Variants in CES4A observed in about 807,000 individuals in gnomAD.
The protein encoded by CES4A is carboxylesterase 6.
CES4A carries 48 observed loss-of-function variants against 65.4 expected under a neutral mutation model. The ratio of observed to expected loss-of-function variants is 0.73; its 90% CI spans 0.58 to 0.93. The LOEUF (loss-of-function observed/expected upper bound fraction) is 0.93, where lower values mean the gene tolerates loss of function less well. Among genes scored for constraint, CES4A ranks in the 40% least tolerant of loss-of-function variants. The pLI is 0.00. For synonymous variants in CES4A, 247 were observed against 281.8 expected, an observed-to-expected ratio of 0.88 and a Z score of 1.24; for missense variants, 685 against 728.5, an observed-to-expected ratio of 0.94 and a Z score of 0.69.
At chr16:67,004,331 A>G in intron 9 of CES4A, 107 bp downstream of exon 9, 2 of 1,257,296 alleles carry the variant, frequency 1.6e-6, no homozygotes, top group Non-Finnish European at 2.3e-6. Flanking sequence ...GTCAGATGCC[A>G]GTAGCCCCTC....
chr16:66,988,707 C>G, exon 1 of CES4A: 1 of 1,550,228 alleles, frequency 6.5e-7, no homozygotes, highest in Non-Finnish European at 8.7e-7. Context: ...GGCTACCATG[C>G]CATCCACAGT....
At position 67,003,151 on chromosome 16, in the gene CES4A, A is replaced by C. The variant is rs61744399; in HGVS notation, c.772A>C (p.Ser258Arg). Residue 258 changes from serine (S) to arginine (R), a missense_variant, in exon 6 of 14, where the codon AGT (serine) becomes CGT (arginine). Coordinates refer to ENST00000648724, the Ensembl canonical transcript of CES4A. The surrounding 1 kb of genome is among the most constrained non-coding windows in gnomAD (Gnocchi z 4.2). ...CGCGTTATTCAGACTTTTCATCACTAGTAACCCACTGAAAGTGGCCAAGGT... is the reference window on the plus strand; with the variant it reads ...CGCGTTATTCAGACTTTTCATCACTCGTAACCCACTGAAAGTGGCCAAGGT... 190,765 of 1,613,594 alleles carry C rather than the reference A, an allele frequency of 0.12. 25,808 individuals are homozygous for C. Among genetic ancestry groups the C allele is most frequent in the African/African-American group, 0.68 (50,956 of 74,914 alleles).
chr16:67,000,798 G>C lies in CES4A; in HGVS notation c.402+19G>C. The C allele has an allele frequency of 6.5e-7, 1 of 1,550,154 alleles. No homozygotes were observed. The highest frequency in any genetic ancestry group is 8.7e-7 in the Non-Finnish European group (1 of 1,146,060). ...GCTGCCAGTGAGTGCCAGGTCTCCC[G>C]CGCCCGCGGTCCCACCGCCGCCCAC... On this transcript the variant is annotated intron_variant, in intron 3 of 13. Transcript: ENST00000648724. This position sits in a 1 kb window ranked among gnomAD's most constrained non-coding sequence, Gnocchi z 4.2.
rs1400836759 is a variant in CES4A at position 67,000,226 on chromosome 16, G to T, written c.261-412G>T. Among the ~76,000 whole-genome samples, 2 of 152,220 alleles carry T rather than the reference G, an allele frequency of 1.3e-5. No individual in the cohort carries two copies. Among genetic ancestry groups the T allele is most frequent in the African/African-American group, 4.8e-5 (2 of 41,452 alleles). ...AGAGGCTGGGGTACTGTCCAGACCAGAGACGGTGGTGGCCTTGACATCTCC... is the reference window on the plus strand; with the variant it reads ...AGAGGCTGGGGTACTGTCCAGACCATAGACGGTGGTGGCCTTGACATCTCC... On this transcript the variant is annotated intron_variant, in intron 2 of 13. Coordinates refer to ENST00000648724, the Ensembl canonical transcript of CES4A. This position sits in a 1 kb window ranked among gnomAD's most constrained non-coding sequence, Gnocchi z 4.2.
intron 1 of CES4A, among the ~76,000 whole-genome samples, chr16:66,991,404 A>G (rs1446221602): frequency 6.6e-6 from 1 of 152,236 alleles, no homozygotes; most frequent in Non-Finnish European, 1.5e-5. Context: ...TCCTCCACCA[A>G]CAGTATATGT....
rs1461482635 is a variant in CES4A at position 67,001,512 on chromosome 16, C to A, written c.690+51C>A. ...AGCACAGACTTAGGCTCCTGCGTTC[C>A]CACAAATGTATGCTCCACTGCACAG... On this transcript the variant is annotated intron_variant, in intron 5 of 13. Coordinates refer to ENST00000648724, the Ensembl canonical transcript of CES4A. This position sits in a 1 kb window ranked among gnomAD's most constrained non-coding sequence, Gnocchi z 4.1. The A allele has an allele frequency of 6.5e-7, 1 of 1,536,980 alleles. No individual in the cohort carries two copies. The highest frequency in any genetic ancestry group is 1.3e-5 in the South Asian group (1 of 79,266).
At chr16:66,994,112 A>G (rs1327657730) in intron 1 of CES4A, among the ~76,000 whole-genome samples, 1 of 152,026 alleles carries the variant, frequency 6.6e-6, no homozygotes, top group African/African-American at 2.4e-5. Context: ...AAAAAAGGAC[A>G]GAGGTGTAGC....
At chr16:66,999,944 G>A (rs79631548) in intron 2 of CES4A, among the ~76,000 whole-genome samples, 5,363 of 152,224 alleles carry the variant, frequency 0.035, 149 homozygotes, top group South Asian at 0.077. Flanking sequence ...TGAGGCCCAC[G>A]GGCTTGGAGG....
chr16:66,992,571 G>A (rs1057458386), intron 1 of CES4A, among the ~76,000 whole-genome samples: 2 of 152,200 alleles, frequency 1.3e-5, no homozygotes, highest in Admixed American at 1.3e-4. Context: ...GCACAGATAG[G>A]TTCGCTAATT....
chr16:66,996,184 G>A (rs774216578), intron 2 of CES4A: 11 of 400,342 alleles, frequency 2.7e-5, no homozygotes, highest in Admixed American at 1.4e-4. Context: ...CTACAGGTAC[G>A]TGCCACCATG....
intron 11 of CES4A, 94 bp downstream of exon 11, chr16:67,005,487 C>G: frequency 8.5e-7 from 1 of 1,182,842 alleles, no homozygotes; most frequent in Non-Finnish European, 1.2e-6. Flanking sequence ...CCCCTACCCT[C>G]TCTGTACTTC....
chr16:67,001,489 C>G lies in CES4A; in HGVS notation c.690+28C>G, dbSNP rs772381527. 1 of 1,571,004 alleles carries G rather than the reference C, an allele frequency of 6.4e-7. No individual in the cohort carries two copies. Among genetic ancestry groups the G allele is most frequent in the Non-Finnish European group, 8.6e-7 (1 of 1,158,968 alleles). ...GAGAGCAATGCCCAGACGGACCGAG[C>G]ACAGACTTAGGCTCCTGCGTTCCCA... On this transcript the variant is annotated intron_variant, in intron 5 of 13. Coordinates refer to ENST00000648724, the Ensembl canonical transcript of CES4A. The surrounding 1 kb of genome is among the most constrained non-coding windows in gnomAD (Gnocchi z 4.1).
At position 67,003,090 on chromosome 16, in the gene CES4A, G is replaced by A. The variant is rs181709052; in HGVS notation, c.711G>A (p.Ser237=). The A allele has an allele frequency of 5.0e-6, 8 of 1,614,014 alleles. No homozygotes were observed. Among genetic ancestry groups the A allele is most frequent in the South Asian group, 3.3e-5 (3 of 91,084 alleles). ...TGCAGATGATGTCACCCCTAGCCTCGGGTCTCTTCCATCGGGCCATTTCCC... is the reference window on the plus strand; with the variant it reads ...TGCAGATGATGTCACCCCTAGCCTCAGGTCTCTTCCATCGGGCCATTTCCC... The change falls in exon 6 of 14, where the codon TCG becomes TCA. Residue 237 remains serine, a synonymous_variant. Coordinates refer to ENST00000648724, the Ensembl canonical transcript of CES4A. This position sits in a 1 kb window ranked among gnomAD's most constrained non-coding sequence, Gnocchi z 4.2.
intron 1 of CES4A, among the ~76,000 whole-genome samples, chr16:66,992,755 G>A (rs1248441261): frequency 2.6e-5 from 4 of 152,150 alleles, no homozygotes; most frequent in East Asian, 3.9e-4. Context: ...TCTGCTCACC[G>A]CAACCTCCTC....
Position 67,000,700 on chromosome 16 carries a change from A to G in CES4A, c.323A>G (p.Lys108Arg). Residue 108 changes from lysine (K) to arginine (R), a missense_variant, in exon 3 of 14, where the codon AAG becomes AGG. Physicochemically the swap from Lys to Arg is conservative, Grantham distance 26 (BLOSUM62 2). Coordinates refer to ENST00000648724, the Ensembl canonical transcript of CES4A. This position sits in a 1 kb window ranked among gnomAD's most constrained non-coding sequence, Gnocchi z 4.2. ...TACGTCAGCACGCGGGAACGGTACA[A>G]GTGGCTGCGCTTCAGCGAGGACTGT... 10 of 1,550,542 alleles carry G rather than the reference A, an allele frequency of 6.4e-6. No individual in the cohort carries two copies. Among genetic ancestry groups the G allele is most frequent in the Admixed American group, 2.0e-5 (1 of 51,148 alleles).
rs984872666 is a variant in CES4A, at chr16:67,006,681, G to A, written c.1445-64G>A. 1.1e-4 allele frequency: 166 copies of A among 1,560,006 alleles called. 1 individual carries two copies. The African/African-American group carries it at 1.7e-3, about 16-fold the overall frequency. On this transcript the variant is annotated intron_variant, in intron 12 of 13. Transcript: ENST00000648724. ...GCTCCGGAAGCAGCAGAAGCAGCAG[G>A]AGTAGGGTGGGAGGTCAGTGTCCCC...
At chr16:66,995,862 G>C (rs1302324568) in intron 2 of CES4A, 33 bp downstream of exon 2, 1 of 1,582,410 alleles carries the variant, frequency 6.3e-7, no homozygotes, top group South Asian at 1.1e-5. Context: ...CTGGGAGGGG[G>C]CAATGGGCCT....
intron 2 of CES4A, chr16:66,996,030 GGTTTTT>G (rs779220269): frequency 3.4e-5 from 24 of 699,620 alleles, no homozygotes; most frequent in Non-Finnish European, 4.1e-5. Flanking sequence ...TGCTGCTGTT[GGTTTTT>G]GTTTTTGTTT....
chr16:67,002,826 G>A (rs146165429), intron 5 of CES4A, among the ~76,000 whole-genome samples: 1 of 152,194 alleles, frequency 6.6e-6, no homozygotes, highest in African/African-American at 2.4e-5. Flanking sequence ...TTCCACACCA[G>A]CAGATTCCCT....
Sources: gnomAD v4.1 joint callset for allele counts (sites outside exome capture counted in the v4.1 genomes callset) on GRCh38, gnomAD v4.1.1 for gene constraint, Gnocchi (gnomAD v3.1) non-coding constraint, MANE v1.5 for transcripts, NCBI Gene and HGNC (gene_info 2026-07-23, HGNC 2026-07-21) for gene names.